The following DNHD1 variants were observed in gnomAD, a reference collection of about 807,000 sequenced individuals.
The protein encoded by DNHD1 is dynein heavy chain domain-containing protein 1.
A neutral mutation model predicts 458.1 loss-of-function variants in DNHD1; 383 were observed. The ratio of observed to expected loss-of-function variants is 0.84; its 90% CI spans 0.77 to 0.91. The LOEUF is 0.91. Among genes scored for constraint, DNHD1 ranks in the 40% least tolerant of loss-of-function variants. DNHD1 has a pLI of 0.00. For missense variants in DNHD1, 5,336 were observed against 5,866.1 expected (o/e 0.91, Z 2.95); for synonymous variants, 2,203 against 2,376.9 (o/e 0.93, Z 2.13).
intron 18 of DNHD1, 105 bp from the exon 19 acceptor site, chr11:6,544,016 G>A (rs1223274961): frequency 1.6e-5 from 15 of 961,278 alleles, no homozygotes; most frequent in East Asian, 2.8e-5. Flanking sequence ...GGGCATCAGG[G>A]TCTCTGTAAC....
intron 12 of DNHD1, among the ~76,000 whole-genome samples, chr11:6,530,939 T>C (rs1424009125): frequency 1.3e-5 from 1 of 75,560 alleles, no homozygotes; most frequent in Non-Finnish European, 2.7e-5. Flanking sequence ...AAATGAGCAC[T>C]GGATTTAGAA....
intron 24 of DNHD1, among the ~76,000 whole-genome samples, chr11:6,553,295 T>G (rs564197003): frequency 6.6e-6 from 1 of 152,230 alleles, no homozygotes; most frequent in East Asian, 1.9e-4. Context: ...CTTGACAAAA[T>G]TCCAACACTA....
intron 13 of DNHD1, 74 bp downstream of exon 13, chr11:6,533,258 A>G: frequency 6.9e-7 from 1 of 1,443,496 alleles, no homozygotes; most frequent in Non-Finnish European, 9.4e-7. Context: ...CACTCTCTTC[A>G]GGTCTCTGCT....
In DNHD1 at chr11:6,505,521, G is replaced by A. The variant is rs1232840498; in HGVS notation, c.920+2595G>A. 6.6e-6 allele frequency among the ~76,000 whole-genome samples: 1 copy of A among 152,158 alleles called. No individual in the cohort carries two copies. Among genetic ancestry groups the A allele is most frequent in the Non-Finnish European group, 1.5e-5 (1 of 68,030 alleles). On this transcript the variant is annotated intron_variant, in intron 4 of 42. Coordinates refer to ENST00000254579, the MANE Select transcript of DNHD1 (RefSeq NM_144666.3). The surrounding 1 kb of genome is among the most constrained non-coding windows in gnomAD (Gnocchi z 4.4). Reference sequence around the variant, plus strand: ...ACCCACCTCAGCCTCCCAAAGTGCTGGGATTACAGGCGTGAGTCACCGCGC... The same window carrying A: ...ACCCACCTCAGCCTCCCAAAGTGCTAGGATTACAGGCGTGAGTCACCGCGC...
At position 6,547,206 on chromosome 11, in the gene DNHD1, C is replaced by G; in HGVS notation, c.6267C>G (p.Ala2089=). ...AGCACTGGATAATATGTGATGGAGC[C>G]TCCAATGGTGCTTGGCTGGACTCCA... ...GIQHWIICDG[A]SNGAWLDSIT... is the part of the protein sequence containing the mutation. Residue 2089 remains alanine (A), a synonymous_variant, in exon 21 of 43, where the codon GCC becomes GCG. Transcript: ENST00000254579. The G allele has an allele frequency of 6.4e-7, 1 of 1,551,796 alleles. No individual in the cohort carries two copies. Among genetic ancestry groups the G allele is most frequent in the Non-Finnish European group, 8.7e-7 (1 of 1,147,022 alleles).
chr11:6,566,205 C>T, intron 33 of DNHD1, 36 bp from the exon 34 acceptor site: 2 of 1,546,380 alleles, frequency 1.3e-6, no homozygotes, highest in African/African-American at 1.4e-5. Flanking sequence ...TGGGTGCTGG[C>T]ATTGTGGGTA....
Position 6,539,898 on chromosome 11 carries a change from G to A in DNHD1, c.3443G>A (p.Arg1148Gln), listed in dbSNP as rs1033715871. 5.2e-6 allele frequency: 8 copies of A among 1,551,706 alleles called. No homozygotes were observed. The highest frequency in any genetic ancestry group is 2.7e-5 in the African/African-American group (2 of 73,158). The change falls in exon 18 of 43, where the codon CGA becomes CAA. Residue 1148 changes from arginine (R) to glutamine (Q), a missense_variant. By Grantham distance (43) the Arg-to-Gln change is conservative. Transcript: ENST00000254579. ...CAGGTCTGGCAGAATGAAAATGAAC[G>A]AATTCATGCCCAAGAGACTATACGG... ...INQVWQNENE[R>Q]IHAQETIRRL...
intron 10 of DNHD1, 86 bp from the exon 11 acceptor site, chr11:6,528,436 T>TGTGA: frequency 9.9e-5 from 115 of 1,159,958 alleles, no homozygotes; most frequent in Non-Finnish European, 1.3e-4. Flanking sequence ...TGTGTGTGTG[T>TGTGA]ACACACACTG....
chr11:6,545,928 C>T lies in DNHD1; in HGVS notation c.4989C>T (p.Ser1663=). Residue 1663 remains serine (S), a synonymous_variant, in exon 21 of 43, where the codon AGC becomes AGT. Coordinates refer to ENST00000254579, the MANE Select transcript of DNHD1 (RefSeq NM_144666.3). The surrounding 1 kb of genome is among the most constrained non-coding windows in gnomAD (Gnocchi z 4.9). ...GACCTAGACTAGGGCCTCTACCCAG[C>T]CTACTGCCTGAACGGCCAGCCCTGG... ...YLGPRLGPLP[S]LLPERPALVL... is the part of the protein sequence containing the mutation. 2 of 1,551,784 alleles carry T rather than the reference C, an allele frequency of 1.3e-6. No homozygotes were observed. The highest frequency in any genetic ancestry group is 1.7e-6 in the Non-Finnish European group (2 of 1,147,010).
Position 6,563,712 on chromosome 11 carries a change from A to G in DNHD1, c.9872A>G (p.Lys3291Arg), listed in dbSNP as rs773356349. 13 of 1,545,756 alleles carry G rather than the reference A, an allele frequency of 8.4e-6. No homozygotes were observed. In the South Asian group the frequency reaches 1.5e-4, roughly 18 times the overall value. ...TTCCAGGAGCTGGTGTTCTTCCCCA[A>G]GGAGAAGATAACAGACTCAGAGCTG... The part of the protein sequence containing the change: ...DFYQELVFFP[K>R]EKITDSELIK... Residue 3291 changes from lysine to arginine, a missense_variant, in exon 31 of 43, where the codon AAG (lysine) becomes AGG (arginine). By Grantham distance (26) the Lys-to-Arg change is conservative. This residue lies in a region of DNHD1 where 3,932 missense variants were observed against 4,365.6 expected (regional missense o/e 0.90). Transcript: ENST00000254579.
chr11:6,519,081 A>G (rs1852548849), intron 7 of DNHD1, among the ~76,000 whole-genome samples: 1 of 152,160 alleles, frequency 6.6e-6, no homozygotes, highest in East Asian at 1.9e-4. Flanking sequence ...AGAACTCACA[A>G]AAAGGCTCCC....
Position 6,566,752 on chromosome 11 carries a change from T to A in DNHD1, c.11372T>A (p.Val3791Glu), listed in dbSNP as rs1394045706. The A allele has an allele frequency of 1.2e-6, 2 of 1,610,208 alleles. No homozygotes were observed. The highest frequency in any genetic ancestry group is 1.7e-6 in the Non-Finnish European group (2 of 1,178,212). ...KIRALDTCKA[V>E]EAAEERLLTM... ...AGAGCCCTAGATACCTGCAAGGCTG[T>A]GGAGGCTGCTGAGGTGCTTGGGGGC... The change falls in exon 35 of 43, where the codon GTG becomes GAG. Residue 3791 changes from valine (V) to glutamate (E), a missense_variant. Val to Glu is a moderately radical substitution (Grantham distance 121, BLOSUM62 -2). Transcript: ENST00000254579.
chr11:6,534,427 A>G (rs1019183116), intron 14 of DNHD1, among the ~76,000 whole-genome samples: 11 of 152,108 alleles, frequency 7.2e-5, no homozygotes, highest in Admixed American at 6.6e-4. Flanking sequence ...TGAATGTTCC[A>G]TCAGAATGTG....
At position 6,568,082 on chromosome 11, in the gene DNHD1, C is replaced by T. The variant is rs763294159; in HGVS notation, c.12378C>T (p.Ala4126=). The T allele has an allele frequency of 8.9e-6, 14 of 1,577,244 alleles. No homozygotes were observed. The African/African-American group carries it at 1.8e-4, about 20-fold the overall frequency. ...GGCAGAAGCAACTGCAGGTGATAGC[C>T]CTGGGCTCTGAAGCCTGGGACCCAG... is the stretch of plus-strand genomic sequence containing the variant. The part of the protein sequence containing the change: ...QQGQKQLQVI[A]LGSEAWDPVS... Residue 4126 remains alanine, a synonymous_variant, in exon 37 of 43, where the codon GCC becomes GCT. Coordinates refer to ENST00000254579, the MANE Select transcript of DNHD1 (RefSeq NM_144666.3).
chr11:6,558,082 T>C lies in DNHD1; in HGVS notation c.8787T>C (p.Asp2929=). Reference sequence around the variant, plus strand: ...AGGCCATTCTCCAATGTCTACGAGATGCCAGCTGGCATGCTGGCATGTTAA... The same window carrying C: ...AGGCCATTCTCCAATGTCTACGAGACGCCAGCTGGCATGCTGGCATGTTAA... The part of the protein sequence containing the change: ...SEEAILQCLR[D]ASWHAGMLSQ... The change falls in exon 25 of 43, where the codon GAT becomes GAC. Residue 2929 remains aspartate (D), a synonymous_variant. Transcript: ENST00000254579. The C allele has an allele frequency of 6.4e-7, 1 of 1,551,738 alleles. No homozygotes were observed.
At position 6,572,005 on chromosome 11, in the gene DNHD1, AGTT is replaced by A. The variant is rs761363098; in HGVS notation, c.*22_*24del. On this transcript the variant is annotated 3_prime_UTR_variant, in exon 43 of 43. Coordinates refer to ENST00000254579, the MANE Select transcript of DNHD1 (RefSeq NM_144666.3). Reference sequence around the variant, plus strand: ...GTCTTGAGCCCGTCTACCAAAATAAAGTTGTAGTGATTCCATGAAAGATTTCTG... The same window carrying A: ...GTCTTGAGCCCGTCTACCAAAATAAAGTAGTGATTCCATGAAAGATTTCTG... 6 of 1,580,036 alleles carry A rather than the reference AGTT, an allele frequency of 3.8e-6. No homozygotes were observed. The African/African-American group carries it at 6.7e-5, about 18-fold the overall frequency.
At chr11:6,509,344 T>C (rs1852292309) in intron 6 of DNHD1, 72 bp downstream of exon 6, 1 of 1,350,042 alleles carries the variant, frequency 7.4e-7, no homozygotes, top group South Asian at 1.3e-5. Context: ...GTATGTTTGT[T>C]GTAGAAAATC....
intron 35 of DNHD1, 63 bp downstream of exon 35, chr11:6,566,828 A>G (rs1853712410): frequency 1.3e-6 from 2 of 1,596,666 alleles, no homozygotes; most frequent in Admixed American, 3.4e-5. Context: ...AAGGGGGTGG[A>G]GATGAATGTA....
At chr11:6,564,194 C>T in intron 31 of DNHD1, 70 bp downstream of exon 31, 2 of 1,492,252 alleles carry the variant, frequency 1.3e-6, no homozygotes, top group Non-Finnish European at 1.8e-6. Context: ...CTCCCTGTGC[C>T]CTCACTGCCT....
Sources: gnomAD v4.1 joint callset for allele counts (sites outside exome capture counted in the v4.1 genomes callset) on GRCh38, gnomAD v4.1.1 for gene constraint, gnomAD v4.1.1 regional missense constraint, Gnocchi (gnomAD v3.1) non-coding constraint, MANE v1.5 for transcripts, NCBI Gene and HGNC (gene_info 2026-07-23, HGNC 2026-07-21) for gene names.